Variants in DHX32 observed in about 807,000 individuals in gnomAD.
The protein encoded by DHX32 is putative pre-mRNA-splicing factor ATP-dependent RNA helicase DHX32.
In DHX32, 51 loss-of-function variants were observed where a neutral mutation model predicts 70.0. The ratio of observed to expected loss-of-function variants is 0.73; its 90% CI spans 0.58 to 0.92. The LOEUF is 0.92. DHX32 is among the 40% of genes least tolerant of loss of function. The pLI is 0.00. For missense variants in DHX32, 762 were observed against 891.8 expected, an observed-to-expected ratio of 0.85 and a Z score of 1.85; for synonymous variants, 310 against 315.3, an observed-to-expected ratio of 0.98 and a Z score of 0.18.
rs531622668 is a variant in DHX32 at position 125,881,241 on chromosome 10, TAA to T, written c.-419_-418del. The T allele has an allele frequency of 9.4e-3, 1,471 of 156,684 alleles. 19 individuals carry two copies. Among genetic ancestry groups the T allele is most frequent in the Middle Eastern group, 0.033 (10 of 300 alleles). 9.7% of individuals were successfully genotyped at this position (156,684 alleles called of 1,614,324 possible). A position where few individuals can be genotyped will look rare whatever the true frequency, so the allele number is the denominator to read the frequency against. On this transcript the variant is annotated 5_prime_UTR_variant, in exon 1 of 11. Transcript: ENST00000284690. Reference sequence around the variant, plus strand: ...AACAGGAATAATTTAGGCTGGTGTTTAAAGTTTGGTGGGTTCCGGTATTTCCT... The same window carrying T: ...AACAGGAATAATTTAGGCTGGTGTTTAGTTTGGTGGGTTCCGGTATTTCCT...
chr10:125,896,468 C>G, upstream of DHX32: 1 of 1,133,668 alleles, frequency 8.8e-7, no homozygotes, highest in Non-Finnish European at 1.1e-6. Flanking sequence ...CGGCGACGCG[C>G]GGGTCCTCAC....
chr10:125,844,669 G>A (rs753586379), intron 6 of DHX32, among the ~76,000 whole-genome samples: 1 of 152,226 alleles, frequency 6.6e-6, no homozygotes, highest in Non-Finnish European at 1.5e-5. Flanking sequence ...AAGCAGAAGA[G>A]TTTATATGGG....
intron 1 of DHX32, among the ~76,000 whole-genome samples, chr10:125,892,474 T>G (rs1247159100): frequency 0.014 from 1,961 of 139,064 alleles, no homozygotes; most frequent in African/African-American, 0.066. Context: ...TTGGCCCACA[T>G]TTGCCTTTCT....
At chr10:125,865,165 AAACC>A (rs1007331385) in intron 2 of DHX32, among the ~76,000 whole-genome samples, 3 of 152,096 alleles carry the variant, frequency 2.0e-5, no homozygotes, top group African/African-American at 7.2e-5. Context: ...TTAAAATGTC[AAACC>A]AACCAACCAA....
rs941091175 is a variant in DHX32 at position 125,859,715 on chromosome 10, A to G, written c.737T>C (p.Val246Ala). The G allele has an allele frequency of 6.2e-7, 1 of 1,614,144 alleles. No individual in the cohort carries two copies. The highest frequency in any genetic ancestry group is 1.3e-5 in the African/African-American group (1 of 75,034). Residue 246 changes from valine to alanine, a missense_variant, in exon 3 of 11, where the codon GTG becomes GCG. Coordinates refer to ENST00000284690, the MANE Select transcript of DHX32 (RefSeq NM_018180.3). ...ATCCTTTTGAGCCTCACTAAGGTAC[A>G]CAACCTCCACAGGGTGTTTATTTTT... ...EVKNKHPVEV[V>A]YLSEAQKDSF... is the part of the protein sequence containing the mutation.
At chr10:125,836,999 G>A (rs1854711940) in intron 10 of DHX32, 144 bp from the exon 11 acceptor site, 2 of 685,898 alleles carry the variant, frequency 2.9e-6, no homozygotes, top group South Asian at 2.0e-5. Flanking sequence ...ATCTCAGTCC[G>A]ACTTTGTAAA....
chr10:125,837,863 C>T (rs1854745056), intron 10 of DHX32, among the ~76,000 whole-genome samples: 1 of 152,222 alleles, frequency 6.6e-6, no homozygotes, highest in African/African-American at 2.4e-5. Flanking sequence ...CTTCCTCTTC[C>T]CCGACAGCTC....
At position 125,864,929 on chromosome 10, in the gene DHX32, CAAAAAAAAAAAAAAAAAAAAAA is replaced by C. The variant is rs61570718; in HGVS notation, c.476+2039_476+2060del. On this transcript the variant is annotated intron_variant, in intron 2 of 10. Coordinates refer to ENST00000284690, the MANE Select transcript of DHX32 (RefSeq NM_018180.3). Reference sequence around the variant, plus strand: ...TGGGAGACAGAGTGGGACTCTGTCTCAAAAAAAAAAAAAAAAAAAAAAAAAAAAAAAAAAAAAAGAAAGAAAA... The same window carrying C: ...TGGGAGACAGAGTGGGACTCTGTCTCAAAAAAAAAAAAAAAAGAAAGAAAA... 1.4e-3 allele frequency among the ~76,000 whole-genome samples: 74 copies of C among 54,224 alleles called. 1 individual carries two copies. Among genetic ancestry groups the C allele is most frequent in the East Asian group, 0.013 (15 of 1,160 alleles). The allele number at this position is 54,224 out of a possible 152,430, so 35.6% of individuals were successfully genotyped here. A position where few individuals can be genotyped will look rare whatever the true frequency, so the allele number is the denominator to read the frequency against.
chr10:125,875,553 A>C (rs1395866801), intron 1 of DHX32, among the ~76,000 whole-genome samples: 1 of 152,242 alleles, frequency 6.6e-6, no homozygotes, highest in Non-Finnish European at 1.5e-5. Context: ...ATGATGAAGG[A>C]GAGAAAGCTC....
chr10:125,894,946 A>C, intron 1 of DHX32, among the ~76,000 whole-genome samples: 1 of 152,302 alleles, frequency 6.6e-6, no homozygotes, highest in Non-Finnish European at 1.5e-5. Flanking sequence ...CCTGTCTCTA[A>C]ATTTCAGGAA....
chr10:125,856,126 T>C (rs758929191), intron 3 of DHX32, among the ~76,000 whole-genome samples: 1 of 152,232 alleles, frequency 6.6e-6, no homozygotes, highest in Non-Finnish European at 1.5e-5. Context: ...TTCAGACATT[T>C]TGTTTATTCA....
intron 1 of DHX32, among the ~76,000 whole-genome samples, chr10:125,868,105 C>T (rs1329241720): frequency 1.3e-5 from 2 of 152,132 alleles, no homozygotes; most frequent in Non-Finnish European, 1.5e-5. Flanking sequence ...AATCAACCAA[C>T]CCATCTGGAT....
intron 1 of DHX32, among the ~76,000 whole-genome samples, chr10:125,871,451 C>T (rs998964706): frequency 6.6e-6 from 1 of 152,206 alleles, no homozygotes; most frequent in African/African-American, 2.4e-5. Context: ...TTATACTGCA[C>T]GTACTCAACT....
chr10:125,863,202 T>C (rs181740310), intron 2 of DHX32, among the ~76,000 whole-genome samples: 251 of 152,114 alleles, frequency 1.7e-3, no homozygotes, highest in African/African-American at 5.5e-3. Flanking sequence ...TTCTATGAGA[T>C]ATCTTGATAT....
At position 125,880,623 on chromosome 10, in the gene DHX32, T is replaced by C; in HGVS notation, c.202A>G (p.Lys68Glu). Residue 68 changes from lysine to glutamate, a missense_variant, in exon 1 of 11, where the codon AAA (lysine) becomes GAA (glutamate). This residue lies in a region of DHX32 where 394 missense variants were observed against 473.1 expected (regional missense o/e 0.83). Transcript: ENST00000284690. ...AGCAGGTTCTCCATAAAGGAGTATT[T>C]TTCTTTCCATATAGGAAGATCTTCT... ...EREDLPIWKE[K>E]YSFMENLLQN... 6.2e-7 allele frequency: 1 copy of C among 1,614,196 alleles called. No homozygotes were observed.
intron 1 of DHX32, 109 bp downstream of exon 1, chr10:125,880,434 G>A: frequency 8.6e-7 from 1 of 1,156,616 alleles, no homozygotes; most frequent in Non-Finnish European, 1.2e-6. Flanking sequence ...ATAATGTTTT[G>A]TTTTTTGTTT....
At chr10:125,875,355 A>G (rs1411109054) in intron 1 of DHX32, among the ~76,000 whole-genome samples, 3 of 152,240 alleles carry the variant, frequency 2.0e-5, no homozygotes, top group East Asian at 3.8e-4. Context: ...GGCATGCGGA[A>G]TGTACTAGAT....
At chr10:125,841,368 A>T in intron 7 of DHX32, 1 of 1,613,622 alleles carries the variant, frequency 6.2e-7, no homozygotes, top group Non-Finnish European at 8.5e-7. Context: ...AAATTAAAAC[A>T]TACAAGCCAG....
rs1180740558 is a variant in DHX32 at position 125,880,721 on chromosome 10, C to G, written c.104G>C (p.Cys35Ser). 6.2e-7 allele frequency: 1 copy of G among 1,614,212 alleles called. No individual in the cohort carries two copies. Among genetic ancestry groups the G allele is most frequent in the Admixed American group, 1.7e-5 (1 of 60,026 alleles). The change falls in exon 1 of 11, where the codon TGT (cysteine) becomes TCT (serine). Residue 35 changes from cysteine (C) to serine (S), a missense_variant. Cys to Ser is a moderately radical substitution (Grantham distance 112). This residue lies in a region of DHX32 where 394 missense variants were observed against 473.1 expected (regional missense o/e 0.83). Transcript: ENST00000284690. ...SDGDEEEVLA[C>S]EDLELNPFDG... ...AAAGGGGTTAAGTTCCAAATCCTCA[C>G]AGGCCAAAACCTCTTCCTCATCCCC...
Sources: allele counts gnomAD v4.1 joint callset (sites outside exome capture counted in the v4.1 genomes callset), GRCh38; gene constraint gnomAD v4.1.1; regional missense constraint gnomAD v4.1.1; transcripts MANE v1.5; gene names NCBI Gene and HGNC (gene_info 2026-07-23, HGNC 2026-07-21).